The following LOC128462377 variants were observed in gnomAD, a reference collection of about 807,000 sequenced individuals.
chr16:89,408,187 T>C, the LOC128462377 span, among the ~76,000 whole-genome samples: 2 of 152,260 alleles, frequency 1.3e-5, no homozygotes, highest in Non-Finnish European at 1.5e-5. Flanking sequence ...ACTGGATGCA[T>C]ACAGATACTC....
chr16:89,360,367 G>C, the LOC128462377 span, among the ~76,000 whole-genome samples: 1 of 152,168 alleles, frequency 6.6e-6, no homozygotes, highest in Admixed American at 6.5e-5. Context: ...AAGTAGCTGG[G>C]ACTACAGGTG....
the LOC128462377 span, among the ~76,000 whole-genome samples, chr16:89,376,670 C>G: frequency 6.6e-6 from 1 of 152,188 alleles, no homozygotes; most frequent in Non-Finnish European, 1.5e-5. Context: ...AACTTCTGAC[C>G]TCAAGCGATC....
At chr16:89,358,634 C>CT in the LOC128462377 span, among the ~76,000 whole-genome samples, 1 of 152,138 alleles carries the variant, frequency 6.6e-6, no homozygotes, top group Non-Finnish European at 1.5e-5. Flanking sequence ...AACAGAATGA[C>CT]TAAGATTTCA....
the LOC128462377 span, among the ~76,000 whole-genome samples, chr16:89,320,589 T>C: frequency 1.3e-5 from 2 of 152,204 alleles, no homozygotes; most frequent in Middle Eastern, 3.4e-3. Context: ...CCCAGCTTCG[T>C]GGACTGTCAG....
chr16:89,319,559 T>C, the LOC128462377 span, among the ~76,000 whole-genome samples: 1 of 152,210 alleles, frequency 6.6e-6, no homozygotes, highest in Admixed American at 6.5e-5. Context: ...CGTGTCCGCC[T>C]GGCCTTGGCT....
chr16:89,342,944 A>G, the LOC128462377 span, among the ~76,000 whole-genome samples: 7 of 152,208 alleles, frequency 4.6e-5, no homozygotes, highest in South Asian at 2.1e-4. Flanking sequence ...CATCATTTAC[A>G]TGCTTCATAA....
At chr16:89,341,034 T>A in the LOC128462377 span, among the ~76,000 whole-genome samples, 1 of 152,338 alleles carries the variant, frequency 6.6e-6, no homozygotes, top group East Asian at 1.9e-4. Context: ...TTTTAAAATA[T>A]AAATGGCTTC....
the LOC128462377 span, among the ~76,000 whole-genome samples, chr16:89,387,094 G>A: frequency 6.6e-6 from 1 of 152,176 alleles, no homozygotes; most frequent in African/African-American, 2.4e-5. Context: ...GTGACATGGA[G>A]GAGGTGTCTG....
At chr16:89,330,654 G>T in the LOC128462377 span, among the ~76,000 whole-genome samples, 2 of 43,122 alleles carry the variant, frequency 4.6e-5, no homozygotes, top group Non-Finnish European at 1.3e-4. Context: ...CCAGTACAGT[G>T]ACTGGGGGGG....
chr16:89,332,556 C>T, the LOC128462377 span, among the ~76,000 whole-genome samples: 1 of 152,234 alleles, frequency 6.6e-6, no homozygotes, highest in Non-Finnish European at 1.5e-5. Flanking sequence ...AAAATGAGGA[C>T]AAGAACCCAT....
At chr16:89,407,181 G>A in the LOC128462377 span, among the ~76,000 whole-genome samples, 3 of 151,156 alleles carry the variant, frequency 2.0e-5, no homozygotes, top group Non-Finnish European at 2.9e-5. Flanking sequence ...GCGAAACCCC[G>A]TCTCAAAAAG....
the LOC128462377 span, among the ~76,000 whole-genome samples, chr16:89,368,347 C>A: frequency 2.0e-5 from 3 of 146,854 alleles, no homozygotes; most frequent in Non-Finnish European, 4.5e-5. Context: ...CAGGTGCCTG[C>A]TGCCGTGCCT....
At chr16:89,386,201 T>C in the LOC128462377 span, among the ~76,000 whole-genome samples, 1 of 152,034 alleles carries the variant, frequency 6.6e-6, no homozygotes. Context: ...TAAAACAAAA[T>C]GGAAATCCAC....
the LOC128462377 span, among the ~76,000 whole-genome samples, chr16:89,365,633 A>G: frequency 6.6e-6 from 1 of 152,246 alleles, no homozygotes; most frequent in African/African-American, 2.4e-5. Flanking sequence ...AGGGAAGAGC[A>G]GTAAGCCAAG....
At chr16:89,338,373 T>C in the LOC128462377 span, among the ~76,000 whole-genome samples, 4 of 145,332 alleles carry the variant, frequency 2.8e-5, no homozygotes, top group African/African-American at 1.0e-4. Context: ...AATTGAAACA[T>C]GGGTTTGAAA....
At chr16:89,359,036 T>C in the LOC128462377 span, among the ~76,000 whole-genome samples, 2 of 152,262 alleles carry the variant, frequency 1.3e-5, no homozygotes, top group East Asian at 3.9e-4. Flanking sequence ...TTCTTATATA[T>C]GTCTAAATCG....
chr16:89,337,199 C>A, the LOC128462377 span, among the ~76,000 whole-genome samples: 1 of 151,390 alleles, frequency 6.6e-6, no homozygotes, highest in Non-Finnish European at 1.5e-5. Context: ...AAACAAAAAA[C>A]AAAAAACTGC....
chr16:89,349,210 G>A, the LOC128462377 span, among the ~76,000 whole-genome samples: 13 of 136,448 alleles, frequency 9.5e-5, no homozygotes, highest in South Asian at 2.4e-4. Flanking sequence ...CAAAAGAATC[G>A]ATAAATAGAA....
chr16:89,367,397 G>A, the LOC128462377 span, among the ~76,000 whole-genome samples: 1 of 152,220 alleles, frequency 6.6e-6, no homozygotes, highest in Non-Finnish European at 1.5e-5. Context: ...GGCCGGGGAT[G>A]CTCAACGCAA....
Sources: gnomAD v4.1 joint callset for allele counts (sites outside exome capture counted in the v4.1 genomes callset) on GRCh38, gnomAD v4.1.1 for gene constraint, MANE v1.5 for transcripts.